MEIS1: variants seen among roughly 807,000 people sequenced by gnomAD.
The protein encoded by MEIS1 is Meis homeobox 1.
A neutral mutation model predicts 50.8 loss-of-function variants in MEIS1; 5 were observed. That is an observed-to-expected ratio of 0.10 (90% confidence interval 0.05 to 0.21). The LOEUF (loss-of-function observed/expected upper bound fraction) is 0.21. Among genes scored for constraint, MEIS1 ranks in the 10% least tolerant of loss-of-function variants. The pLI, the probability that MEIS1 is intolerant of heterozygous loss-of-function variation, is 1.00. For synonymous variants in MEIS1, 176 were observed against 179.3 expected (o/e 0.98, Z 0.15); for missense variants, 318 against 517.3 (o/e 0.61, Z 3.74).
At chr2:66,543,979 T>A (rs1440709039) in intron 8 of MEIS1, among the ~76,000 whole-genome samples, 1 of 152,250 alleles carries the variant, frequency 6.6e-6, no homozygotes, top group Non-Finnish European at 1.5e-5. Context: ...AAGAGCCTAC[T>A]GATCTTTCTT....
intron 8 of MEIS1, among the ~76,000 whole-genome samples, chr2:66,517,563 C>T (rs965544709): frequency 1.3e-5 from 2 of 152,178 alleles, no homozygotes; most frequent in African/African-American, 4.8e-5. Context: ...TTTGCTGAAA[C>T]TAACCCAGGC....
chr2:66,442,877 T>G, intron 5 of MEIS1, 25 bp from the exon 6 acceptor site: 2 of 1,567,864 alleles, frequency 1.3e-6, no homozygotes, highest in South Asian at 2.4e-5. Flanking sequence ...TATATTCCCA[T>G]TTTTTTATTT....
intron 7 of MEIS1, among the ~76,000 whole-genome samples, chr2:66,473,874 G>A (rs1250183534): frequency 2.0e-5 from 3 of 152,098 alleles, no homozygotes; most frequent in East Asian, 1.9e-4. Flanking sequence ...CAACCCCGCA[G>A]ACAACAAAAT....
chr2:66,554,674 T>C (rs1344943479), intron 9 of MEIS1, among the ~76,000 whole-genome samples: 2 of 152,226 alleles, frequency 1.3e-5, no homozygotes, highest in African/African-American at 4.8e-5. Context: ...AGGACTCTTT[T>C]AGCTGTAATA....
intron 9 of MEIS1, 142 bp downstream of exon 9, chr2:66,548,161 T>C: frequency 2.8e-6 from 2 of 723,598 alleles, no homozygotes; most frequent in Non-Finnish European, 4.8e-6. Context: ...AACAAACTGT[T>C]GACTGATATG....
At chr2:66,540,434 C>T (rs1459197991) in intron 8 of MEIS1, among the ~76,000 whole-genome samples, 2 of 151,974 alleles carry the variant, frequency 1.3e-5, no homozygotes, top group Non-Finnish European at 2.9e-5. Context: ...CTCAGCCTGC[C>T]GAGTAGATGG....
intron 8 of MEIS1, among the ~76,000 whole-genome samples, chr2:66,528,981 G>T (rs1343927950): frequency 6.6e-6 from 1 of 152,092 alleles, no homozygotes; most frequent in African/African-American, 2.4e-5. Flanking sequence ...GCACAGTCTT[G>T]TCCTCTGTGC....
At chr2:66,454,654 G>T (rs763032708) in intron 6 of MEIS1, 1 of 151,998 alleles carries the variant, frequency 6.6e-6, no homozygotes, top group Non-Finnish European at 1.5e-5. Flanking sequence ...GTTTGTGGTT[G>T]AAGTTGTTTT....
Position 66,437,944 on chromosome 2 carries a change from G to C in MEIS1, c.220G>C (p.Asp74His). The change falls in exon 2 of 13, where the codon GAT becomes CAT. Residue 74 changes from aspartate (D) to histidine (H), a missense_variant. Physicochemically the swap from Asp to His is moderately conservative, Grantham distance 81 (BLOSUM62 -1). This residue lies in a region of MEIS1 where 100 missense variants were observed against 107.1 expected (regional missense o/e 0.93). Coordinates refer to ENST00000272369, the MANE Select transcript of MEIS1 (RefSeq NM_002398.3). ...CTCTGTCAATGACGCTTTAAAGAGAGATAAAGATGCCATTTATGGGTAGGT... is the reference window on the plus strand; with the variant it reads ...CTCTGTCAATGACGCTTTAAAGAGACATAAAGATGCCATTTATGGGTAGGT... ...GSSVNDALKR[D>H]KDAIYGHPLF... The C allele has an allele frequency of 6.3e-7, 1 of 1,580,680 alleles. No homozygotes were observed. The highest frequency in any genetic ancestry group is 8.6e-7 in the Non-Finnish European group (1 of 1,162,916).
intron 7 of MEIS1, among the ~76,000 whole-genome samples, chr2:66,494,223 G>A (rs373025666): frequency 3.3e-5 from 5 of 152,270 alleles, no homozygotes; most frequent in South Asian, 4.1e-4. Flanking sequence ...AGCTCTCCCC[G>A]TGTAGAAATG....
intron 8 of MEIS1, among the ~76,000 whole-genome samples, chr2:66,533,503 A>G (rs1674443374): frequency 2.0e-5 from 3 of 152,072 alleles, no homozygotes; most frequent in Non-Finnish European, 2.9e-5. Context: ...TGTCACCTCT[A>G]TATCTTGCTT....
At chr2:66,521,019 G>T (rs1430522810) in intron 8 of MEIS1, among the ~76,000 whole-genome samples, 2 of 152,190 alleles carry the variant, frequency 1.3e-5, no homozygotes, top group Admixed American at 1.3e-4. Flanking sequence ...AAGCCAGAGG[G>T]CTTGGCATAA....
At chr2:66,533,264 C>T (rs1317958514) in intron 8 of MEIS1, among the ~76,000 whole-genome samples, 1 of 152,186 alleles carries the variant, frequency 6.6e-6, no homozygotes. Context: ...TCTCAACATT[C>T]CTAAGTCCAC....
At chr2:66,507,094 G>C (rs1404283734) in intron 7 of MEIS1, among the ~76,000 whole-genome samples, 1 of 152,114 alleles carries the variant, frequency 6.6e-6, no homozygotes, top group Non-Finnish European at 1.5e-5. Flanking sequence ...ATAAGATCAT[G>C]CAACAATATC....
chr2:66,465,428 A>C (rs935343138), intron 7 of MEIS1, among the ~76,000 whole-genome samples: 17 of 152,296 alleles, frequency 1.1e-4, no homozygotes, highest in Middle Eastern at 3.4e-3. Flanking sequence ...TATGCAGCAT[A>C]AATCCAAGGG....
intron 6 of MEIS1, chr2:66,445,128 G>A (rs1672097085): frequency 6.6e-6 from 1 of 152,098 alleles, no homozygotes; most frequent in Admixed American, 6.5e-5. Context: ...TCATTTTATT[G>A]TCTTCTACCT....
intron 1 of MEIS1, chr2:66,436,843 A>G (rs1368426905): frequency 3.1e-6 from 3 of 976,260 alleles, no homozygotes; most frequent in Admixed American, 1.2e-4. Context: ...TTTCACACAC[A>G]CAAAATAATG....
intron 9 of MEIS1, among the ~76,000 whole-genome samples, chr2:66,553,561 C>T (rs369426542): frequency 5.3e-4 from 80 of 152,272 alleles, no homozygotes; most frequent in East Asian, 2.7e-3. Context: ...GCTGGCGGGG[C>T]GCCAGACAGG....
intron 6 of MEIS1, among the ~76,000 whole-genome samples, chr2:66,450,873 GTTA>G (rs1351709886): frequency 2.6e-5 from 4 of 152,124 alleles, no homozygotes; most frequent in African/African-American, 4.8e-5. Context: ...TGGGTTGTTG[GTTA>G]TTATTTAGAA....
Sources: allele counts gnomAD v4.1 joint callset (sites outside exome capture counted in the v4.1 genomes callset), GRCh38; gene constraint gnomAD v4.1.1; regional missense constraint gnomAD v4.1.1; transcripts MANE v1.5; gene names NCBI Gene and HGNC (gene_info 2026-07-23, HGNC 2026-07-21).